COL19A1: variants seen among roughly 807,000 people sequenced by gnomAD.
COL19A1 encodes collagen alpha-1(XIX) chain.
A neutral mutation model predicts 190.2 loss-of-function variants in COL19A1; 159 were observed. The ratio of observed to expected loss-of-function variants is 0.84; its 90% CI spans 0.73 to 0.95. The LOEUF is 0.95. Among genes scored for constraint, COL19A1 ranks in the 40% least tolerant of loss-of-function variants. COL19A1 has a pLI of 0.00. For missense variants in COL19A1, 1,418 were observed against 1,431.9 expected (o/e 0.99, Z 0.16); for synonymous variants, 509 against 458.9 (o/e 1.11, Z -1.39).
chr6:70,075,659 G>A (rs74570867), intron 15 of COL19A1, among the ~76,000 whole-genome samples: 2,759 of 152,180 alleles, frequency 0.018, 92 homozygotes, highest in African/African-American at 0.061. Flanking sequence ...AGGTTAAACA[G>A]CACAGCTAGT....
intron 4 of COL19A1, among the ~76,000 whole-genome samples, chr6:69,927,580 A>G (rs1015158258): frequency 9.9e-5 from 15 of 152,152 alleles, no homozygotes; most frequent in Non-Finnish European, 1.0e-4. Flanking sequence ...CTACTAACAA[A>G]ATCAAGTCAT....
At chr6:70,186,205 T>C (rs1766503750) in intron 46 of COL19A1, among the ~76,000 whole-genome samples, 1 of 152,228 alleles carries the variant, frequency 6.6e-6, no homozygotes, top group African/African-American at 2.4e-5. Flanking sequence ...GGATTCCTTC[T>C]AGTTGTCATA....
chr6:70,054,617 T>G (rs12664929), intron 14 of COL19A1, among the ~76,000 whole-genome samples: 5,035 of 152,286 alleles, frequency 0.033, 146 homozygotes, highest in Middle Eastern at 0.11. Flanking sequence ...TAAATAAAAT[T>G]GTAGTACTTT....
intron 18 of COL19A1, among the ~76,000 whole-genome samples, chr6:70,132,963 G>T (rs536929800): frequency 6.6e-6 from 1 of 152,114 alleles, no homozygotes; most frequent in African/African-American, 2.4e-5. Context: ...ACTCAAAAGC[G>T]CAATAACTAA....
chr6:69,871,066 A>G (rs948601740), intron 1 of COL19A1, among the ~76,000 whole-genome samples: 1 of 152,246 alleles, frequency 6.6e-6, no homozygotes, highest in Admixed American at 6.5e-5. Flanking sequence ...TGCAAAAGAC[A>G]TCTGCAAACT....
At chr6:69,994,679 A>G (rs531017512) in intron 11 of COL19A1, among the ~76,000 whole-genome samples, 27 of 152,258 alleles carry the variant, frequency 1.8e-4, no homozygotes, top group African/African-American at 6.0e-4. Flanking sequence ...GGCAGTTTCA[A>G]GAATTCATTC....
chr6:70,187,414 AGCCAGGGG>A (rs1766598675), intron 46 of COL19A1, among the ~76,000 whole-genome samples: 1 of 133,106 alleles, frequency 7.5e-6, no homozygotes, highest in Non-Finnish European at 1.7e-5. Context: ...AACAGGGGAA[AGCCAGGGG>A]TGGGGAGAGC....
At chr6:69,907,107 ATT>A (rs56927758) in intron 4 of COL19A1, among the ~76,000 whole-genome samples, 2,581 of 129,194 alleles carry the variant, frequency 0.02, 44 homozygotes, top group East Asian at 0.13. Flanking sequence ...TATTATTATT[ATT>A]TTTTTTTTTT....
chr6:70,086,768 G>A (rs925101474), intron 15 of COL19A1, among the ~76,000 whole-genome samples: 1 of 152,060 alleles, frequency 6.6e-6, no homozygotes, highest in East Asian at 1.9e-4. Flanking sequence ...TAATGAATGC[G>A]ATCACACTTT....
At position 70,195,341 on chromosome 6, in the gene COL19A1, G is replaced by C. The variant is rs181359791; in HGVS notation, c.3095-4267G>C. On this transcript the variant is annotated intron_variant, in intron 48 of 50. Transcript: ENST00000620364. ...TAAAAACCGATTGAAAGTTGTGAGC[G>C]AACAGTGGGGCTTGCCAACCTCGAG... Among the ~76,000 whole-genome samples, 994 of 152,112 alleles carry C rather than the reference G, an allele frequency of 6.5e-3. 9 individuals are homozygous for C. Among genetic ancestry groups the C allele is most frequent in the Non-Finnish European group, 0.011 (731 of 67,988 alleles).
chr6:70,138,882 T>C (rs537209439), intron 19 of COL19A1, among the ~76,000 whole-genome samples: 1 of 152,186 alleles, frequency 6.6e-6, no homozygotes, highest in South Asian at 2.1e-4. Flanking sequence ...AAATCTCATG[T>C]CTCAGAAATC....
At position 70,184,878 on chromosome 6, in the gene COL19A1, T is replaced by C. The variant is rs375572438; in HGVS notation, c.2819T>C (p.Met940Thr). The C allele has an allele frequency of 1.2e-6, 2 of 1,613,242 alleles. No homozygotes were observed. Among genetic ancestry groups the C allele is most frequent in the South Asian group, 1.1e-5 (1 of 90,976 alleles). Residue 940 changes from methionine (M) to threonine (T), a missense_variant, in exon 46 of 51, where the codon ATG (methionine) becomes ACG (threonine). Coordinates refer to ENST00000620364, the MANE Select transcript of COL19A1 (RefSeq NM_001858.6). ...KDGIPGAQGI[M>T]GKPGDRGPKG... ...TTGACATCTGTTTTTCAGGGCATCATGGGTAAGCCTGGAGACAGAGGCCCC... is the reference window on the plus strand; with the variant it reads ...TTGACATCTGTTTTTCAGGGCATCACGGGTAAGCCTGGAGACAGAGGCCCC...
chr6:69,991,709 G>A (rs779172544), intron 11 of COL19A1, among the ~76,000 whole-genome samples: 30 of 151,892 alleles, frequency 2.0e-4, no homozygotes, highest in Non-Finnish European at 3.8e-4. Context: ...TCCTGTTCAC[G>A]TCTTTTGCCC....
intron 11 of COL19A1, among the ~76,000 whole-genome samples, chr6:69,963,136 A>G (rs1227249711): frequency 6.6e-6 from 1 of 152,228 alleles, no homozygotes; most frequent in Non-Finnish European, 1.5e-5. Flanking sequence ...AAACATTTAT[A>G]AAGCATTATA....
intron 17 of COL19A1, among the ~76,000 whole-genome samples, chr6:70,125,529 C>T (rs1351174256): frequency 1.3e-5 from 2 of 151,144 alleles, no homozygotes; most frequent in East Asian, 3.9e-4. Context: ...GGGAGAAGCT[C>T]AGGTATGAGA....
intron 14 of COL19A1, among the ~76,000 whole-genome samples, chr6:70,037,253 T>A (rs1318438585): frequency 9.9e-5 from 15 of 152,110 alleles, no homozygotes; most frequent in African/African-American, 3.6e-4. Context: ...CCTCCCGGGT[T>A]CAAGCGATTC....
intron 10 of COL19A1, 143 bp downstream of exon 10, chr6:69,960,183 G>A: frequency 1.3e-6 from 1 of 789,768 alleles, no homozygotes; most frequent in Admixed American, 2.8e-5. Flanking sequence ...TTTTCAAAGA[G>A]AACTTGTGGA....
intron 46 of COL19A1, among the ~76,000 whole-genome samples, chr6:70,185,669 A>C (rs1766467925): frequency 1.3e-5 from 2 of 152,184 alleles, no homozygotes; most frequent in South Asian, 4.1e-4. Context: ...TTCTACTAGA[A>C]TTAATTTCCA....
In COL19A1 at chr6:69,938,081, A is replaced by T; in HGVS notation, c.917A>T (p.Lys306Ile). The T allele has an allele frequency of 6.2e-7, 1 of 1,612,746 alleles. No individual in the cohort carries two copies. Among genetic ancestry groups the T allele is most frequent in the Non-Finnish European group, 8.5e-7 (1 of 1,179,158 alleles). ...GGAGCTCCGGGTTCACCTGGGCAGAAAGGGCATAAAGGAGAGCCGGTAAGA... is the reference window on the plus strand; with the variant it reads ...GGAGCTCCGGGTTCACCTGGGCAGATAGGGCATAAAGGAGAGCCGGTAAGA... ...LPGAPGSPGQ[K>I]GHKGEPGENG... The change falls in exon 9 of 51, where the codon AAA becomes ATA. Residue 306 changes from lysine (K) to isoleucine (I), a missense_variant. Lys to Ile is a moderately radical substitution (Grantham distance 102). Transcript: ENST00000620364.
Sources: allele counts gnomAD v4.1 joint callset (sites outside exome capture counted in the v4.1 genomes callset), GRCh38; gene constraint gnomAD v4.1.1; transcripts MANE v1.5; gene names NCBI Gene and HGNC (gene_info 2026-07-23, HGNC 2026-07-21).